The following SPON1 variants were observed in gnomAD, a reference collection of about 807,000 sequenced individuals.
The protein encoded by SPON1 is spondin-1.
Under a neutral mutation model 111.7 loss-of-function variants are expected in SPON1, and 52 were observed. That is an observed-to-expected ratio of 0.47 (90% CI 0.37 to 0.59). SPON1 has a LOEUF of 0.59. Among genes scored for constraint, SPON1 ranks in the 20% least tolerant of loss-of-function variants. The pLI is 0.00. For synonymous variants in SPON1, 410 were observed against 395.8 expected, an observed-to-expected ratio of 1.04 and a Z score of -0.43; for missense variants, 957 against 1,068.5, an observed-to-expected ratio of 0.90 and a Z score of 1.46.
chr11:14,185,393 C>T (rs1848275774), intron 6 of SPON1, among the ~76,000 whole-genome samples: 1 of 152,090 alleles, frequency 6.6e-6, no homozygotes, highest in Non-Finnish European at 1.5e-5. Flanking sequence ...AATGTATGTG[C>T]CCCCCGCTCC....
At chr11:14,020,165 A>G (rs1040746849) in intron 2 of SPON1, among the ~76,000 whole-genome samples, 1 of 152,220 alleles carries the variant, frequency 6.6e-6, no homozygotes, top group African/African-American at 2.4e-5. Context: ...GGACATTTAG[A>G]GAAGAGGACA....
intron 5 of SPON1, among the ~76,000 whole-genome samples, chr11:14,113,351 A>G (rs1849239937): frequency 6.6e-6 from 1 of 152,090 alleles, no homozygotes; most frequent in Admixed American, 6.5e-5. Context: ...TGCAAAGGGG[A>G]ATTTTTCATC....
chr11:14,123,975 G>A (rs1847426188), intron 5 of SPON1, among the ~76,000 whole-genome samples: 1 of 152,238 alleles, frequency 6.6e-6, no homozygotes, highest in African/African-American at 2.4e-5. Context: ...GAGGGCTAAT[G>A]CAGTGCCACT....
chr11:14,221,410 G>C (rs1848678949), intron 6 of SPON1, among the ~76,000 whole-genome samples: 1 of 152,162 alleles, frequency 6.6e-6, no homozygotes, highest in East Asian at 1.9e-4. Context: ...AAGGGAAGGA[G>C]TCAGAACTCA....
At chr11:14,124,939 G>GA (rs1278010646) in intron 5 of SPON1, among the ~76,000 whole-genome samples, 2 of 152,074 alleles carry the variant, frequency 1.3e-5, no homozygotes, top group Admixed American at 6.5e-5. Context: ...CCTAGGGAAG[G>GA]AAAAAAAGAC....
At position 14,201,379 on chromosome 11, in the gene SPON1, C is replaced by T. The variant is rs915599741; in HGVS notation, c.826-41953C>T. ...ACAAAAAAACAAAAAAAACTACCAA[C>T]TTCATAGCATTAGTTTGATTTTTTT... is the stretch of plus-strand genomic sequence containing the variant. On this transcript the variant is annotated intron_variant, in intron 6 of 15. Coordinates refer to ENST00000576479, the MANE Select transcript of SPON1 (RefSeq NM_006108.4). 3.3e-5 allele frequency among the ~76,000 whole-genome samples: 5 copies of T among 151,456 alleles called. No individual in the cohort carries two copies. The East Asian group carries it at 9.7e-4, about 29-fold the overall frequency.
chr11:14,170,620 T>A (rs1242221143), intron 6 of SPON1, among the ~76,000 whole-genome samples: 1 of 151,902 alleles, frequency 6.6e-6, no homozygotes, highest in Admixed American at 6.6e-5. Flanking sequence ...CAGTATGATA[T>A]TGGCTGTGGG....
rs1236703282 is a variant in SPON1 at position 14,172,481 on chromosome 11, A to G, written c.825+36913A>G. On this transcript the variant is annotated intron_variant, in intron 6 of 15. Coordinates refer to ENST00000576479, the MANE Select transcript of SPON1 (RefSeq NM_006108.4). The stretch of plus-strand genomic sequence containing the variant: ...TCTGTGTCTTTTAATTGGAGCATTT[A>G]GCCCATTTACATTTAAGGTTAATAT... Among the ~76,000 whole-genome samples the G allele has an allele frequency of 3.3e-5, 5 of 151,946 alleles. No individual in the cohort carries two copies. In the South Asian group the frequency reaches 1.0e-3, roughly 32 times the overall value.
chr11:14,031,880 G>A (rs1393541768), intron 2 of SPON1, among the ~76,000 whole-genome samples: 1 of 152,108 alleles, frequency 6.6e-6, no homozygotes, highest in African/African-American at 2.4e-5. Context: ...ATTTTCTTTG[G>A]ATTCTCTCTC....
At chr11:14,187,514 T>G (rs1554934176) in intron 6 of SPON1, among the ~76,000 whole-genome samples, 1 of 152,202 alleles carries the variant, frequency 6.6e-6, no homozygotes, top group African/African-American at 2.4e-5. Context: ...CTGCCTCATA[T>G]TGCCATCCTG....
chr11:14,261,443 C>T (rs141121576), intron 14 of SPON1, among the ~76,000 whole-genome samples: 315 of 152,334 alleles, frequency 2.1e-3, no homozygotes, highest in African/African-American at 7.1e-3. Context: ...TAGTAACCTT[C>T]AGCCGATGAC....
intron 1 of SPON1, among the ~76,000 whole-genome samples, chr11:13,970,060 G>A (rs1554908423): frequency 2.0e-5 from 3 of 152,192 alleles, no homozygotes; most frequent in East Asian, 1.9e-4. Flanking sequence ...TCCTCCAATA[G>A]TGTGCAGTTG....
At chr11:14,088,606 G>C (rs966362280) in intron 5 of SPON1, among the ~76,000 whole-genome samples, 7 of 151,614 alleles carry the variant, frequency 4.6e-5, no homozygotes, top group African/African-American at 1.5e-4. Flanking sequence ...ACAATTATGT[G>C]TTTTGGGGTT....
chr11:14,168,332 A>G (rs936651959), intron 6 of SPON1, among the ~76,000 whole-genome samples: 3 of 152,196 alleles, frequency 2.0e-5, no homozygotes, highest in Non-Finnish European at 2.9e-5. Context: ...TTTCCAAAAG[A>G]TTACTAAAGT....
chr11:14,259,430 G>A lies in SPON1; in HGVS notation c.1643G>A (p.Cys548Tyr). The A allele has an allele frequency of 8.7e-6, 14 of 1,609,988 alleles. No individual in the cohort carries two copies. Among genetic ancestry groups the A allele is most frequent in the Non-Finnish European group, 1.2e-5 (14 of 1,178,460 alleles). ...CTGCCCACTGAGGAAACGGAGAAGT[G>A]CACGGTCAACGAGGAGTGCTGTGAG... ...CTLPTEETEK[C>Y]TVNEECSPSS... Residue 548 changes from cysteine to tyrosine, a missense_variant, in exon 12 of 16, where the codon TGC becomes TAC. Transcript: ENST00000576479. This position sits in a 1 kb window ranked among gnomAD's most constrained non-coding sequence, Gnocchi z 5.0.
chr11:14,035,111 A>G (rs1441245410), intron 2 of SPON1, among the ~76,000 whole-genome samples: 2 of 152,158 alleles, frequency 1.3e-5, no homozygotes. Context: ...ACTTATGTGT[A>G]TGTTGGAGTG....
At chr11:14,096,115 T>G (rs549336530) in intron 5 of SPON1, among the ~76,000 whole-genome samples, 54 of 152,336 alleles carry the variant, frequency 3.5e-4, no homozygotes, top group African/African-American at 1.3e-3. Context: ...AGAGAAAGGA[T>G]TAAATATCTT....
At chr11:14,152,109 G>T (rs1554929960) in intron 6 of SPON1, among the ~76,000 whole-genome samples, 2 of 152,148 alleles carry the variant, frequency 1.3e-5, no homozygotes, top group Non-Finnish European at 2.9e-5. Flanking sequence ...GTCTGAGCTG[G>T]GGTGTAGTCT....
At chr11:14,023,379 C>T (rs1282706058) in intron 2 of SPON1, among the ~76,000 whole-genome samples, 4 of 145,512 alleles carry the variant, frequency 2.7e-5, no homozygotes, top group African/African-American at 9.7e-5. Context: ...GAGAGAAATA[C>T]TGTGAAGGTA....
Sources: gnomAD v4.1 joint callset for allele counts (sites outside exome capture counted in the v4.1 genomes callset) on GRCh38, gnomAD v4.1.1 for gene constraint, Gnocchi (gnomAD v3.1) non-coding constraint, MANE v1.5 for transcripts, NCBI Gene and HGNC (gene_info 2026-07-23, HGNC 2026-07-21) for gene names.